MTMR3: variants seen among roughly 807,000 people sequenced by gnomAD.
MTMR3 encodes myotubularin related protein 3, also known as phosphatidylinositol-3,5-bisphosphate 3-phosphatase MTMR3.
MTMR3 carries 32 observed loss-of-function variants against 132.4 expected under a neutral mutation model. The observed-to-expected ratio is 0.24, with a 90% CI of 0.18 to 0.32. The LOEUF is 0.32. MTMR3 is among the 10% of genes least tolerant of loss of function. MTMR3 has a pLI of 1.00. For missense variants in MTMR3, 1,216 were observed against 1,489.6 expected (o/e 0.82, Z 3.02); for synonymous variants, 556 against 550.3 (o/e 1.01, Z -0.14).
At chr22:29,918,630 T>A (rs1274685832) in intron 1 of MTMR3, among the ~76,000 whole-genome samples, 3 of 152,038 alleles carry the variant, frequency 2.0e-5, no homozygotes, top group Admixed American at 1.3e-4. Flanking sequence ...GGAAAAGGAG[T>A]AAGGGTTGGA....
intron 1 of MTMR3, among the ~76,000 whole-genome samples, chr22:29,925,078 G>C (rs1471287978): frequency 6.6e-6 from 1 of 152,120 alleles, no homozygotes; most frequent in African/African-American, 2.4e-5. Flanking sequence ...TGTCACCCAG[G>C]CTAGAGTGCA....
chr22:29,980,638 G>C (rs1222292368), intron 5 of MTMR3: 3 of 152,186 alleles, frequency 2.0e-5, no homozygotes, highest in Non-Finnish European at 4.4e-5. Context: ...AATTGCATGT[G>C]AGAATGATAG....
intron 2 of MTMR3, among the ~76,000 whole-genome samples, chr22:29,959,924 A>T (rs2066277334): frequency 1.3e-5 from 2 of 151,476 alleles, no homozygotes; most frequent in Non-Finnish European, 1.5e-5. Context: ...TTGCTAGGCT[A>T]ATTTGTTTTT....
intron 1 of MTMR3, among the ~76,000 whole-genome samples, chr22:29,944,380 G>GTTAGT (rs1176715022): frequency 6.6e-6 from 1 of 152,052 alleles, no homozygotes; most frequent in African/African-American, 2.4e-5. Flanking sequence ...TGACTTACGT[G>GTTAGT]TTAGTTTTGT....
chr22:29,919,751 C>A (rs2065374769), intron 1 of MTMR3, among the ~76,000 whole-genome samples: 1 of 152,180 alleles, frequency 6.6e-6, no homozygotes, highest in South Asian at 2.1e-4. Context: ...TAGTCTTGAA[C>A]TCCTGAGCTC....
chr22:30,017,043 C>G, intron 15 of MTMR3: 1 of 197,824 alleles, frequency 5.1e-6, no homozygotes. Context: ...GCACTGATAG[C>G]TCAGAATGAG....
intron 3 of MTMR3, among the ~76,000 whole-genome samples, chr22:29,975,696 C>T (rs1471661353): frequency 2.0e-5 from 3 of 152,220 alleles, no homozygotes; most frequent in Non-Finnish European, 2.9e-5. Flanking sequence ...TACAGTGCAC[C>T]TCAGGTGCAG....
At chr22:29,974,046 C>T (rs548866450) in intron 3 of MTMR3, among the ~76,000 whole-genome samples, 7 of 152,228 alleles carry the variant, frequency 4.6e-5, no homozygotes, top group South Asian at 2.1e-4. Flanking sequence ...TGTAGATGAC[C>T]CCACTGACTT....
intron 17 of MTMR3, chr22:30,021,770 C>A: frequency 2.3e-6 from 1 of 444,108 alleles, no homozygotes. Context: ...TTCCCTCTCA[C>A]TCACTTTCTG....
chr22:29,923,110 C>A (rs962283492), intron 1 of MTMR3, among the ~76,000 whole-genome samples: 1 of 150,288 alleles, frequency 6.7e-6, no homozygotes, highest in African/African-American at 2.4e-5. Context: ...GGCGCCATCT[C>A]GGCTCACTGC....
intron 1 of MTMR3, among the ~76,000 whole-genome samples, chr22:29,953,164 G>T (rs138031690): frequency 1.0e-3 from 159 of 152,232 alleles, no homozygotes; most frequent in Non-Finnish European, 2.0e-3. Context: ...CTTAATTATC[G>T]TTCATTTGAA....
chr22:30,007,282 C>T lies in MTMR3; in HGVS notation c.840C>T (p.Asp280=), dbSNP rs1275676089. 3.1e-6 allele frequency: 5 copies of T among 1,614,100 alleles called. No individual in the cohort carries two copies. The South Asian group carries it at 3.3e-5, about 11-fold the overall frequency. ...SKLSTRNTSR[D]FPNGGDLSDV... The stretch of plus-strand genomic sequence containing the variant: ...TGTCAACTAGGAACACTTCTCGAGA[C>T]TTTCCCAATGGGGGAGACCTTTCTG... Residue 280 remains aspartate (D), a synonymous_variant, in exon 10 of 20, where the codon GAC becomes GAT. Transcript: ENST00000401950.
At chr22:29,958,823 C>G (rs149866661) in intron 2 of MTMR3, among the ~76,000 whole-genome samples, 252 of 152,300 alleles carry the variant, frequency 1.7e-3, no homozygotes, top group Middle Eastern at 6.8e-3. Flanking sequence ...CTCCTAGACT[C>G]CTGGGATACC....
intron 19 of MTMR3, chr22:30,023,738 T>C (rs2067829399): frequency 2.0e-6 from 1 of 508,822 alleles, no homozygotes; most frequent in South Asian, 2.5e-5. Context: ...CGAGAAGTAG[T>C]GCTTCTTGTC....
At chr22:29,921,575 A>AT (rs1184854820) in intron 1 of MTMR3, among the ~76,000 whole-genome samples, 2 of 152,158 alleles carry the variant, frequency 1.3e-5, no homozygotes, top group Non-Finnish European at 2.9e-5. Flanking sequence ...GTTTTCTGGC[A>AT]TTTAAATACT....
intron 7 of MTMR3, chr22:29,994,760 T>C (rs993113129): frequency 9.9e-5 from 15 of 152,252 alleles, no homozygotes; most frequent in African/African-American, 3.4e-4. Context: ...AGTATTCATA[T>C]AAATCTTAGT....
chr22:30,012,304 A>G (rs2067452835), intron 12 of MTMR3, 64 bp from the exon 13 acceptor site: 2 of 1,523,970 alleles, frequency 1.3e-6, no homozygotes, highest in Non-Finnish European at 1.8e-6. Flanking sequence ...TTTGACAATC[A>G]TTGAGCATGA....
intron 1 of MTMR3, among the ~76,000 whole-genome samples, chr22:29,938,124 A>G (rs544148762): frequency 3.3e-5 from 5 of 152,316 alleles, no homozygotes; most frequent in Non-Finnish European, 7.4e-5. Flanking sequence ...TCATTAACAT[A>G]CTAAATCACA....
chr22:29,894,236 G>C (rs2064850998), intron 1 of MTMR3, among the ~76,000 whole-genome samples: 1 of 152,162 alleles, frequency 6.6e-6, no homozygotes, highest in South Asian at 2.1e-4. Flanking sequence ...TGGTTAACTG[G>C]CTCCAGTTCC....
Sources: allele counts gnomAD v4.1 joint callset (sites outside exome capture counted in the v4.1 genomes callset), GRCh38; gene constraint gnomAD v4.1.1; transcripts MANE v1.5; gene names NCBI Gene and HGNC (gene_info 2026-07-23, HGNC 2026-07-21).